ALPK1: variants seen among roughly 807,000 people sequenced by gnomAD.
ALPK1 encodes the protein alpha kinase 1.
ALPK1 carries 110 observed loss-of-function variants against 120.6 expected under a neutral mutation model. That is an observed-to-expected ratio of 0.91 (90% CI 0.78 to 1.07). The LOEUF (loss-of-function observed/expected upper bound fraction) is 1.07. Among genes scored for constraint, ALPK1 ranks in the 50% least tolerant of loss-of-function variants. The pLI is 0.00. For missense variants in ALPK1, 1,498 were observed against 1,483.9 expected (o/e 1.01, Z -0.16); for synonymous variants, 582 against 560.3 (o/e 1.04, Z -0.55).
At chr4:112,380,668 A>G (rs1324606459) in intron 3 of ALPK1, among the ~76,000 whole-genome samples, 2 of 152,088 alleles carry the variant, frequency 1.3e-5, no homozygotes, top group African/African-American at 4.8e-5. Context: ...CATGTTTCAC[A>G]TAGATACTAG....
intron 3 of ALPK1, among the ~76,000 whole-genome samples, chr4:112,378,295 T>G (rs1382450345): frequency 6.6e-6 from 1 of 152,232 alleles, no homozygotes; most frequent in Non-Finnish European, 1.5e-5. Flanking sequence ...CATAGACTTC[T>G]AGGGTTTCCA....
intron 11 of ALPK1, 106 bp downstream of exon 11, chr4:112,432,687 C>A: frequency 1.0e-6 from 1 of 998,468 alleles, no homozygotes; most frequent in Non-Finnish European, 1.5e-6. Context: ...AGGTATAGAA[C>A]CCTGGTATGC....
At chr4:112,358,368 C>G in intron 2 of ALPK1, 1 of 604,526 alleles carries the variant, frequency 1.7e-6, no homozygotes, top group Non-Finnish European at 3.0e-6. Context: ...GCACCGGCCC[C>G]CTGGGCTGTA....
intron 4 of ALPK1, among the ~76,000 whole-genome samples, chr4:112,405,207 C>T (rs1378087125): frequency 6.6e-6 from 1 of 152,196 alleles, no homozygotes; most frequent in African/African-American, 2.4e-5. Flanking sequence ...AGCTCTGTCT[C>T]ATAACTCAGG....
At chr4:112,415,593 T>C (rs574321209) in intron 5 of ALPK1, among the ~76,000 whole-genome samples, 4 of 149,594 alleles carry the variant, frequency 2.7e-5, no homozygotes, top group Non-Finnish European at 4.4e-5. Context: ...GCTGAGATCA[T>C]GCCATTGCAC....
intron 2 of ALPK1, chr4:112,358,364 GC>G (rs1730745649): frequency 1.7e-6 from 1 of 597,000 alleles, no homozygotes; most frequent in South Asian, 1.8e-5. Flanking sequence ...GCCAGCACCG[GC>G]CCCCTGGGCT....
chr4:112,383,809 T>C (rs902117079), intron 4 of ALPK1: 1 of 152,178 alleles, frequency 6.6e-6, no homozygotes, highest in Non-Finnish European at 1.5e-5. Context: ...GTCAAAAATA[T>C]TATACATTAA....
At chr4:112,324,749 T>C (rs1439112459) in intron 2 of ALPK1, among the ~76,000 whole-genome samples, 1 of 152,130 alleles carries the variant, frequency 6.6e-6, no homozygotes, top group Non-Finnish European at 1.5e-5. Flanking sequence ...AATGTTGGAA[T>C]TACAGGTGTT....
chr4:112,441,391 C>T lies in ALPK1; in HGVS notation c.*181C>T. ...TCAAGAATGGGTCAGGAGACCGCTG[C>T]TTCTGGGCATAAGTCCTGCAAGGAA... On this transcript the variant is annotated 3_prime_UTR_variant, in exon 16 of 16. Coordinates refer to ENST00000650871, the MANE Select transcript of ALPK1 (RefSeq NM_025144.4). The T allele has an allele frequency of 1.5e-6, 1 of 671,144 alleles. No homozygotes were observed. Among genetic ancestry groups the T allele is most frequent in the Non-Finnish European group, 2.7e-6 (1 of 372,382 alleles). The allele number at this position is 671,144 out of a possible 1,614,324, so 41.6% of individuals were successfully genotyped here. A position where few individuals can be genotyped will look rare whatever the true frequency, so the allele number is the denominator to read the frequency against.
At chr4:112,419,017 T>C (rs1733871689) in intron 5 of ALPK1, among the ~76,000 whole-genome samples, 1 of 152,186 alleles carries the variant, frequency 6.6e-6, no homozygotes, top group South Asian at 2.1e-4. Context: ...ACACATAGAA[T>C]ACTCCAAGAA....
At chr4:112,377,925 G>C (rs765350125) in intron 3 of ALPK1, 27 bp downstream of exon 3, 1 of 1,583,504 alleles carries the variant, frequency 6.3e-7, no homozygotes, top group Non-Finnish European at 8.6e-7. Context: ...AGGCACCAGG[G>C]GTGAACCAGC....
intron 14 of ALPK1, 81 bp downstream of exon 14, chr4:112,439,953 CT>C: frequency 8.2e-7 from 1 of 1,225,240 alleles, no homozygotes; most frequent in South Asian, 1.5e-5. Context: ...CTAATCTTTA[CT>C]TAATAGATTG....
intron 4 of ALPK1, chr4:112,383,921 A>G (rs965930992): frequency 2.0e-5 from 3 of 152,248 alleles, no homozygotes; most frequent in Non-Finnish European, 2.9e-5. Flanking sequence ...GGGCAAAATC[A>G]TCTAATATAA....
In ALPK1 at chr4:112,430,664, G is replaced by A. The variant is rs1734497386; in HGVS notation, c.1117G>A (p.Gly373Arg). 6.2e-7 allele frequency: 1 copy of A among 1,614,202 alleles called. No homozygotes were observed. Among genetic ancestry groups the A allele is most frequent in the Non-Finnish European group, 8.5e-7 (1 of 1,180,026 alleles). The change falls in exon 11 of 16, where the codon GGG becomes AGG. Residue 373 changes from glycine (G) to arginine (R), a missense_variant. By Grantham distance (125) the Gly-to-Arg change is moderately radical. Coordinates refer to ENST00000650871, the MANE Select transcript of ALPK1 (RefSeq NM_025144.4). ...TVHRRLHGET[G>R]TVHAASQLCK... ...GCACAGAAGGCTCCATGGGGAGACA[G>A]GGACGGTCCATGCAGCAAGTCAGCT...
chr4:112,413,688 G>A (rs72666260), intron 5 of ALPK1, among the ~76,000 whole-genome samples: 4,996 of 152,264 alleles, frequency 0.033, 102 homozygotes, highest in Non-Finnish European at 0.05. Flanking sequence ...CAGAATGCTG[G>A]GATTACAGGT....
chr4:112,337,576 T>G (rs550256251), intron 2 of ALPK1, among the ~76,000 whole-genome samples: 12 of 152,274 alleles, frequency 7.9e-5, no homozygotes, highest in African/African-American at 2.6e-4. Flanking sequence ...TGGTGGCATA[T>G]GCCTGTAGTC....
chr4:112,408,231 G>T (rs747542230), intron 4 of ALPK1, among the ~76,000 whole-genome samples: 2 of 152,186 alleles, frequency 1.3e-5, no homozygotes, highest in Non-Finnish European at 2.9e-5. Context: ...CATAAGCAGG[G>T]TGGCAGGAAT....
rs757415192 is a variant in ALPK1 at position 112,438,634 on chromosome 4, C to T, written c.3339C>T (p.Ser1113=). Residue 1113 remains serine (S), a synonymous_variant, in exon 13 of 16, where the codon TCC becomes TCT. Transcript: ENST00000650871. ...CCACCCAGATATTCTACATCCCATC[C>T]ACAATACTACTGGTAAGATTATCCT... The part of the protein sequence containing the change: ...NIPTQIFYIP[S]TILLILEDKT... The T allele has an allele frequency of 6.2e-6, 10 of 1,613,348 alleles. No individual in the cohort carries two copies. In the Admixed American group the frequency reaches 1.5e-4, roughly 24 times the overall value.
At position 112,412,018 on chromosome 4, in the gene ALPK1, GAACTC is replaced by G; in HGVS notation, c.470_474del (p.Asn157ArgfsTer28). On this transcript the variant is annotated frameshift_variant and splice_region_variant, in exon 5 of 16. Coordinates refer to ENST00000650871, the MANE Select transcript of ALPK1 (RefSeq NM_025144.4). LOFTEE classifies it high-confidence loss of function. ...TTATTCGCCAAGCCCGAATCTCCGTGAACTCAGGTATGCTCCCTCCTGCTGGCCGC... is the reference window on the plus strand; with the variant it reads ...TTATTCGCCAAGCCCGAATCTCCGTGAGGTATGCTCCCTCCTGCTGGCCGC... 1 of 1,613,972 alleles carries G rather than the reference GAACTC, an allele frequency of 6.2e-7. No individual in the cohort carries two copies. The highest frequency in any genetic ancestry group is 8.5e-7 in the Non-Finnish European group (1 of 1,180,018).
Sources: gnomAD v4.1 joint callset for allele counts (sites outside exome capture counted in the v4.1 genomes callset) on GRCh38, gnomAD v4.1.1 for gene constraint, MANE v1.5 for transcripts, NCBI Gene and HGNC (gene_info 2026-07-23, HGNC 2026-07-21) for gene names.